Variants in POLQ observed in about 807,000 individuals in gnomAD.
POLQ encodes the protein epididymis secretory sperm binding protein.
A neutral mutation model predicts 259.2 loss-of-function variants in POLQ; 233 were observed. That is an observed-to-expected ratio of 0.90 (90% CI 0.81 to 1.00). The LOEUF (loss-of-function observed/expected upper bound fraction) is 1.00, where lower values mean the gene tolerates loss of function less well. Ranked by LOEUF, POLQ falls within the 50% of genes least tolerant of loss-of-function variation. The probability of loss-of-function intolerance (pLI) is 0.00; values close to 1 mark genes in which losing one functional copy is unlikely to be tolerated. For missense variants in POLQ, 2,871 were observed against 3,051.6 expected, an observed-to-expected ratio of 0.94 and a Z score of 1.39; for synonymous variants, 1,025 against 1,048.8, an observed-to-expected ratio of 0.98 and a Z score of 0.44.
At chr3:121,481,537 C>T (rs2047969866) in intron 19 of POLQ, 35 bp downstream of exon 19, 1 of 1,548,956 alleles carries the variant, frequency 6.5e-7, no homozygotes, top group Non-Finnish European at 8.7e-7. Context: ...TATCTCTAAT[C>T]TATAACATAA....
intron 5 of POLQ, among the ~76,000 whole-genome samples, chr3:121,534,192 C>G (rs758896673): frequency 7.2e-5 from 11 of 151,732 alleles, no homozygotes; most frequent in African/African-American, 2.4e-4. Context: ...GTTTCAAAAG[C>G]CTGTTTTTTT....
At chr3:121,495,661 A>T (rs1319757893) in intron 14 of POLQ, among the ~76,000 whole-genome samples, 3 of 141,156 alleles carry the variant, frequency 2.1e-5, no homozygotes, top group Non-Finnish European at 4.6e-5. Context: ...TGGCTAACAC[A>T]GTGGAACCCC....
chr3:121,499,656 T>C (rs1280411125), intron 12 of POLQ, among the ~76,000 whole-genome samples: 3 of 151,994 alleles, frequency 2.0e-5, no homozygotes, highest in East Asian at 1.9e-4. Flanking sequence ...ATCAATAACA[T>C]AGAGGAGATA....
At chr3:121,452,238 G>T (rs949129909) in intron 25 of POLQ, among the ~76,000 whole-genome samples, 1 of 152,122 alleles carries the variant, frequency 6.6e-6, no homozygotes, top group East Asian at 1.9e-4. Context: ...TGCTTCCCAG[G>T]TGAGGTGATG....
intron 7 of POLQ, among the ~76,000 whole-genome samples, chr3:121,527,989 C>T (rs1277510250): frequency 7.2e-5 from 11 of 152,194 alleles, no homozygotes; most frequent in African/African-American, 2.7e-4. Flanking sequence ...AAAATTATTA[C>T]AGTAGTAGTA....
intron 25 of POLQ, among the ~76,000 whole-genome samples, chr3:121,449,722 A>G (rs1472330587): frequency 6.6e-6 from 1 of 152,212 alleles, no homozygotes; most frequent in Admixed American, 6.5e-5. Context: ...AGCAGTCTTT[A>G]TAGCAACTTT....
In POLQ at chr3:121,519,939, C is replaced by T. The variant is rs761630032; in HGVS notation, c.1400G>A (p.Arg467Gln). The change falls in exon 9 of 30, where the codon CGA becomes CAA. Residue 467 changes from arginine to glutamine, a missense_variant. Physicochemically the swap from Arg to Gln is conservative, Grantham distance 43. Around this residue, in one of 3 missense-constraint regions of POLQ, gnomAD observed 783 missense variants for 906.2 expected, o/e 0.86. Coordinates refer to ENST00000264233, the MANE Select transcript of POLQ (RefSeq NM_199420.4). The stretch of plus-strand genomic sequence containing the variant: ...CTTATAAGTAAGAATATCTAGAGGT[C>T]GACCACCAAAAATAGGGGTTCGAAT... ...VIIRTPIFGG[R>Q]PLDILTYKQM... is the part of the protein sequence containing the mutation. The T allele has an allele frequency of 3.5e-5, 56 of 1,611,916 alleles. No individual in the cohort carries two copies. Among genetic ancestry groups the T allele is most frequent in the East Asian group, 1.1e-4 (5 of 44,864 alleles).
intron 12 of POLQ, among the ~76,000 whole-genome samples, chr3:121,500,520 T>C (rs2048159266): frequency 6.6e-6 from 1 of 151,976 alleles, no homozygotes; most frequent in South Asian, 2.1e-4. Context: ...TAATAAAGAC[T>C]ATGCAATCTG....
intron 25 of POLQ, among the ~76,000 whole-genome samples, chr3:121,454,824 G>A (rs1215985242): frequency 4.6e-5 from 7 of 152,068 alleles, no homozygotes; most frequent in South Asian, 2.1e-4. Flanking sequence ...ACAGATCAAC[G>A]AGACAGAAAG....
At chr3:121,510,312 TCA>T in intron 10 of POLQ, 69 bp from the exon 11 acceptor site, 22 of 1,117,420 alleles carry the variant, frequency 2.0e-5, no homozygotes, top group Non-Finnish European at 2.4e-5. Context: ...GCGCGGTGGC[TCA>T]TGCCTGTAAT....
chr3:121,466,456 C>G (rs1367200061), intron 24 of POLQ, among the ~76,000 whole-genome samples: 1 of 151,450 alleles, frequency 6.6e-6, no homozygotes, highest in Non-Finnish European at 1.5e-5. Flanking sequence ...TTTGGGAAGC[C>G]GAGGCAGGCG....
At chr3:121,467,436 C>G in intron 24 of POLQ, 83 bp downstream of exon 24, 2 of 1,359,730 alleles carry the variant, frequency 1.5e-6, no homozygotes. Context: ...TGCTCTAAGT[C>G]TCACTCATAT....
intron 16 of POLQ, among the ~76,000 whole-genome samples, chr3:121,485,425 C>T (rs1325626697): frequency 2.6e-5 from 4 of 152,034 alleles, no homozygotes; most frequent in Admixed American, 6.5e-5. Context: ...TAATGATTAA[C>T]GTCAAGAAAG....
At chr3:121,449,693 G>C (rs2047657876) in intron 25 of POLQ, among the ~76,000 whole-genome samples, 1 of 152,080 alleles carries the variant, frequency 6.6e-6, no homozygotes, top group Non-Finnish European at 1.5e-5. Context: ...ATTTATTTTT[G>C]ACTATTTGTC....
At chr3:121,528,475 C>T (rs978520976) in intron 7 of POLQ, among the ~76,000 whole-genome samples, 6 of 151,904 alleles carry the variant, frequency 3.9e-5, no homozygotes, top group African/African-American at 7.3e-5. Flanking sequence ...TCCCGAGTAG[C>T]TGGGATTACA....
intron 9 of POLQ, among the ~76,000 whole-genome samples, chr3:121,519,271 T>A (rs1353710847): frequency 6.6e-6 from 1 of 151,680 alleles, no homozygotes; most frequent in Non-Finnish European, 1.5e-5. Context: ...TAAGAAGTCA[T>A]CTTGATTTAC....
chr3:121,442,441 A>G (rs1201257809), intron 26 of POLQ, among the ~76,000 whole-genome samples: 3 of 152,130 alleles, frequency 2.0e-5, no homozygotes, highest in African/African-American at 7.2e-5. Flanking sequence ...CCTACCCCCA[A>G]TACCCTTCCC....
intron 7 of POLQ, among the ~76,000 whole-genome samples, chr3:121,526,303 C>T (rs1216114477): frequency 2.0e-5 from 3 of 152,164 alleles, no homozygotes; most frequent in Non-Finnish European, 4.4e-5. Context: ...CTCTCCAGTC[C>T]TTCTTGTACA....
At chr3:121,485,694 C>A (rs2048005440) in intron 16 of POLQ, among the ~76,000 whole-genome samples, 1 of 152,148 alleles carries the variant, frequency 6.6e-6, no homozygotes, top group Non-Finnish European at 1.5e-5. Context: ...AAATAACTGG[C>A]ACATAGGAAC....
Sources: allele counts gnomAD v4.1 joint callset (sites outside exome capture counted in the v4.1 genomes callset), GRCh38; gene constraint gnomAD v4.1.1; regional missense constraint gnomAD v4.1.1; transcripts MANE v1.5; gene names NCBI Gene and HGNC (gene_info 2026-07-23, HGNC 2026-07-21).